ADCY9: variants seen among roughly 807,000 people sequenced by gnomAD.
The protein encoded by ADCY9 is adenylate cyclase 9, also known as adenylate cyclase type 9.
In ADCY9, 50 loss-of-function variants were observed where a neutral mutation model predicts 101.5. The ratio of observed to expected loss-of-function variants is 0.49; its 90% confidence interval spans 0.39 to 0.62. The LOEUF (loss-of-function observed/expected upper bound fraction) is 0.62. Among genes scored for constraint, ADCY9 ranks in the 20% least tolerant of loss-of-function variants. The pLI is 0.00. For missense variants in ADCY9, 1,662 were observed against 1,800.4 expected (o/e 0.92, Z 1.39); for synonymous variants, 905 against 769.3 (o/e 1.18, Z -2.92).
chr16:4,097,485 T>TACACAC (rs1435990370), intron 2 of ADCY9, among the ~76,000 whole-genome samples: 124 of 72,994 alleles, frequency 1.7e-3, no homozygotes, highest in East Asian at 5.7e-3. Context: ...TATATATATA[T>TACACAC]ATACACACAC....
chr16:4,047,241 C>G (rs1330138471), intron 2 of ADCY9, among the ~76,000 whole-genome samples: 1 of 151,918 alleles, frequency 6.6e-6, no homozygotes, highest in Non-Finnish European at 1.5e-5. Flanking sequence ...CCATTTTCAT[C>G]CAGGATGTTT....
chr16:3,961,845 G>T (rs147317469), downstream of ADCY9, among the ~76,000 whole-genome samples: 3 of 152,112 alleles, frequency 2.0e-5, no homozygotes, highest in Admixed American at 2.0e-4. Context: ...GGCCAACATG[G>T]TGAAACCCTG....
At chr16:3,972,749 G>A (rs2056063469) in intron 10 of ADCY9, among the ~76,000 whole-genome samples, 1 of 152,128 alleles carries the variant, frequency 6.6e-6, no homozygotes, top group African/African-American at 2.4e-5. Context: ...CTGCCCCTAG[G>A]GAGGTGGTCA....
At chr16:4,013,608 G>A (rs2056418409) in intron 2 of ADCY9, among the ~76,000 whole-genome samples, 1 of 152,208 alleles carries the variant, frequency 6.6e-6, no homozygotes, top group Non-Finnish European at 1.5e-5. Flanking sequence ...AGCTTGGGCT[G>A]GTTCAGAAAC....
At chr16:4,094,795 A>C (rs1187330043) in intron 2 of ADCY9, among the ~76,000 whole-genome samples, 3 of 152,104 alleles carry the variant, frequency 2.0e-5, no homozygotes, top group African/African-American at 7.2e-5. Flanking sequence ...TCATCATTTG[A>C]GCAAAAAGGA....
At chr16:4,067,828 G>T (rs754357029) in intron 2 of ADCY9, among the ~76,000 whole-genome samples, 50 of 152,180 alleles carry the variant, frequency 3.3e-4, no homozygotes, top group Non-Finnish European at 5.4e-4. Flanking sequence ...TTGTGAATTT[G>T]TATCTTAGTA....
chr16:4,106,337 G>C (rs2141205031), intron 2 of ADCY9, among the ~76,000 whole-genome samples: 1 of 152,256 alleles, frequency 6.6e-6, no homozygotes, highest in Non-Finnish European at 1.5e-5. Flanking sequence ...CCCTACCCTT[G>C]GCCCACACCA....
intron 2 of ADCY9, among the ~76,000 whole-genome samples, chr16:4,092,780 C>T (rs572673434): frequency 6.6e-6 from 1 of 152,210 alleles, no homozygotes; most frequent in Non-Finnish European, 1.5e-5. Context: ...GACTCCTTAG[C>T]CCTTTCCATC....
intron 2 of ADCY9, among the ~76,000 whole-genome samples, chr16:4,105,037 C>T (rs948813226): frequency 1.4e-5 from 2 of 142,596 alleles, no homozygotes; most frequent in African/African-American, 5.3e-5. Flanking sequence ...CCACTGCACT[C>T]CAATGTGGGC....
At chr16:3,968,422 G>A (rs975434654) in intron 10 of ADCY9, among the ~76,000 whole-genome samples, 39 of 152,228 alleles carry the variant, frequency 2.6e-4, no homozygotes, top group African/African-American at 8.2e-4. Flanking sequence ...GTGAGCCACC[G>A]CGCCTGGCCT....
intron 2 of ADCY9, among the ~76,000 whole-genome samples, chr16:4,093,233 A>T (rs1235529353): frequency 6.6e-6 from 1 of 152,208 alleles, no homozygotes; most frequent in Admixed American, 6.5e-5. Context: ...AGAAAGTGCT[A>T]TCACTGACAT....
In ADCY9 at chr16:3,993,473, G is replaced by C; in HGVS notation, c.1922C>G (p.Ser641Cys). The C allele has an allele frequency of 6.2e-7, 1 of 1,614,184 alleles. No individual in the cohort carries two copies. Among genetic ancestry groups the C allele is most frequent in the Middle Eastern group, 1.7e-4 (1 of 6,040 alleles). The change falls in exon 4 of 11, where the codon TCT (serine) becomes TGT (cysteine). Residue 641 changes from serine (S) to cysteine (C), a missense_variant. Coordinates refer to ENST00000294016, the MANE Select transcript of ADCY9 (RefSeq NM_001116.4). ...TGCTCCTCCCTCGGCGCCGGCTTCA[G>C]ATTTGGGAGCAAATGTGATTCCGCA... ...PSCGITFAPK[S>C]EAGAEGGAPQ...
At chr16:4,098,234 GTTTTT>G (rs1280985198) in intron 2 of ADCY9, among the ~76,000 whole-genome samples, 1 of 151,078 alleles carries the variant, frequency 6.6e-6, no homozygotes, top group Non-Finnish European at 1.5e-5. Context: ...GTTTTGTTTT[GTTTTT>G]GTTTTTGGTT....
intron 2 of ADCY9, among the ~76,000 whole-genome samples, chr16:4,095,293 G>A (rs577369612): frequency 1.3e-5 from 2 of 152,220 alleles, no homozygotes; most frequent in Admixed American, 6.5e-5. Context: ...GAGCCACCGC[G>A]CCCAGCCCTC....
At position 4,035,859 on chromosome 16, in the gene ADCY9, C is replaced by T. The variant is rs1009891671; in HGVS notation, c.1694-28301G>A. Among the ~76,000 whole-genome samples, 7 of 151,920 alleles carry T rather than the reference C, an allele frequency of 4.6e-5. No individual in the cohort carries two copies. In the South Asian group the frequency reaches 8.3e-4, roughly 18 times the overall value. ...TACTAAAAATACAAAATTAGACAGG[C>T]GTGGTGGCACATGATTGTAATCCCA... On this transcript the variant is annotated intron_variant, in intron 2 of 10. Coordinates refer to ENST00000294016, the MANE Select transcript of ADCY9 (RefSeq NM_001116.4).
At chr16:4,055,952 C>A (rs899177326) in intron 2 of ADCY9, among the ~76,000 whole-genome samples, 2 of 152,162 alleles carry the variant, frequency 1.3e-5, no homozygotes, top group South Asian at 2.1e-4. Context: ...CCCACAAGTA[C>A]AAGCGCTGCA....
At chr16:3,987,766 C>G (rs2056205964) in intron 6 of ADCY9, among the ~76,000 whole-genome samples, 1 of 152,170 alleles carries the variant, frequency 6.6e-6, no homozygotes, top group African/African-American at 2.4e-5. Context: ...TGAAGACCTG[C>G]TGGAGGAACC....
intron 2 of ADCY9, among the ~76,000 whole-genome samples, chr16:4,020,356 C>T (rs1489762916): frequency 6.6e-6 from 1 of 152,004 alleles, no homozygotes; most frequent in Non-Finnish European, 1.5e-5. Context: ...TCTTTTTTAC[C>T]TTTATTAAAT....
intron 2 of ADCY9, among the ~76,000 whole-genome samples, chr16:4,037,040 G>A (rs542141228): frequency 6.6e-6 from 1 of 152,208 alleles, no homozygotes; most frequent in South Asian, 2.1e-4. Flanking sequence ...TCCAAGCTGG[G>A]CATGGTGGCT....
Sources: gnomAD v4.1 joint callset for allele counts (sites outside exome capture counted in the v4.1 genomes callset) on GRCh38, gnomAD v4.1.1 for gene constraint, MANE v1.5 for transcripts, NCBI Gene and HGNC (gene_info 2026-07-23, HGNC 2026-07-21) for gene names.